The following PAPPA variants were observed in gnomAD, a reference collection of about 807,000 sequenced individuals.
The protein encoded by PAPPA is pappalysin-1.
A neutral mutation model predicts 164.0 loss-of-function variants in PAPPA; 60 were observed. That is an observed-to-expected ratio of 0.37 (90% confidence interval 0.30 to 0.45). The LOEUF (loss-of-function observed/expected upper bound fraction) is 0.45. PAPPA is among the 20% of genes least tolerant of loss of function. The pLI is 1.00. For synonymous variants in PAPPA, 875 were observed against 814.1 expected, an observed-to-expected ratio of 1.07 and a Z score of -1.27; for missense variants, 1,782 against 2,087.3, an observed-to-expected ratio of 0.85 and a Z score of 2.85.
At chr9:116,208,843 CGT>C (rs1844270828) in intron 3 of PAPPA, among the ~76,000 whole-genome samples, 2 of 151,420 alleles carry the variant, frequency 1.3e-5, no homozygotes, top group African/African-American at 4.9e-5. Context: ...TGTGTGTGTG[CGT>C]GTGTGTGCAT....
Position 116,187,097 on chromosome 9 carries a change from A to AC in PAPPA, c.416-50dup, listed in dbSNP as rs906999630. 6.4e-5 allele frequency: 80 copies of AC among 1,256,602 alleles called. No individual in the cohort carries two copies. The highest frequency in any genetic ancestry group is 7.8e-5 in the Non-Finnish European group (68 of 875,438). The allele number at this position is 1,256,602 out of a possible 1,614,324, so 77.8% of individuals were successfully genotyped here. A position where few individuals can be genotyped will look rare whatever the true frequency, so the allele number is the denominator to read the frequency against. On this transcript the variant is annotated intron_variant, in intron 1 of 21. Coordinates refer to ENST00000328252, the MANE Select transcript of PAPPA (RefSeq NM_002581.5). The surrounding 1 kb of genome is among the most constrained non-coding windows in gnomAD (Gnocchi z 4.2). ...AATTTTATTAGAGAAAAATAACTTA[A>AC]CCCCCCCTCCTTTTCCATCCTTTAT...
At chr9:116,374,735 TTTC>T (rs1441915433) in intron 19 of PAPPA, among the ~76,000 whole-genome samples, 1 of 152,214 alleles carries the variant, frequency 6.6e-6, no homozygotes, top group African/African-American at 2.4e-5. Flanking sequence ...ACTCTGCTGT[TTTC>T]CACTTCTTGA....
intron 5 of PAPPA, among the ~76,000 whole-genome samples, chr9:116,227,026 G>C (rs1844519095): frequency 6.6e-6 from 1 of 152,170 alleles, no homozygotes; most frequent in Non-Finnish European, 1.5e-5. Context: ...CACATAGTAG[G>C]TACCTGATAA....
intron 3 of PAPPA, among the ~76,000 whole-genome samples, chr9:116,209,059 A>G (rs1259190277): frequency 1.3e-5 from 2 of 152,160 alleles, no homozygotes; most frequent in Non-Finnish European, 2.9e-5. Flanking sequence ...AGAATTATAC[A>G]GACTAAAAAG....
Position 116,235,474 on chromosome 9 carries a change from A to G in PAPPA, c.2569A>G (p.Thr857Ala). 6.2e-7 allele frequency: 1 copy of G among 1,613,318 alleles called. No homozygotes were observed. Among genetic ancestry groups the G allele is most frequent in the Non-Finnish European group, 8.5e-7 (1 of 1,179,778 alleles). The change falls in exon 7 of 22, where the codon ACG becomes GCG. Residue 857 changes from threonine to alanine, a missense_variant. Transcript: ENST00000328252. ...GGAGGTGTATGGCATCCAAATCTAC[A>G]CGCTGGATGAGCACCTGGAGATCGA... is the stretch of plus-strand genomic sequence containing the variant. ...GEEVYGIQIY[T>A]LDEHLEIDAA...
chr9:116,185,289 C>T (rs1564176663), intron 1 of PAPPA, among the ~76,000 whole-genome samples: 1 of 152,110 alleles, frequency 6.6e-6, no homozygotes. Flanking sequence ...CTGGCCATTT[C>T]CTGAAAAATG....
intron 1 of PAPPA, among the ~76,000 whole-genome samples, chr9:116,184,153 TG>T (rs903633067): frequency 6.6e-6 from 1 of 151,950 alleles, no homozygotes; most frequent in African/African-American, 2.4e-5. Flanking sequence ...AGCTAAGAGG[TG>T]GGAAGGACAT....
At position 116,154,357 on chromosome 9, in the gene PAPPA, C is replaced by G. The variant is rs1435353053; in HGVS notation, c.185C>G (p.Pro62Arg). ...GGCCGCCGCGCCTCGCCGCCGCCGCCGCCGCCGCCGGGCGGTGCCTGGGAA... is the reference window on the plus strand; with the variant it reads ...GGCCGCCGCGCCTCGCCGCCGCCGCGGCCGCCGCCGGGCGGTGCCTGGGAA... ...ARGRRASPPP[P>R]PPPGGAWEAV... Residue 62 changes from proline (P) to arginine (R), a missense_variant, in exon 1 of 22, where the codon CCG (proline) becomes CGG (arginine). Around this residue, in one of 2 missense-constraint regions of PAPPA, gnomAD observed 458 missense variants for 430.3 expected, o/e 1.06. Coordinates refer to ENST00000328252, the MANE Select transcript of PAPPA (RefSeq NM_002581.5). The surrounding 1 kb of genome is among the most constrained non-coding windows in gnomAD (Gnocchi z 5.2). 2.3e-6 allele frequency: 2 copies of G among 872,536 alleles called. No homozygotes were observed. The highest frequency in any genetic ancestry group is 1.1e-4 in the South Asian group (2 of 18,872). 54.0% of individuals were successfully genotyped at this position (872,536 alleles called of 1,614,324 possible).
At chr9:116,356,245 A>AC (rs1846352193) in intron 17 of PAPPA, among the ~76,000 whole-genome samples, 1 of 152,252 alleles carries the variant, frequency 6.6e-6, no homozygotes, top group Non-Finnish European at 1.5e-5. Flanking sequence ...CAAGTTACTT[A>AC]ACTCGTTAAG....
intron 20 of PAPPA, among the ~76,000 whole-genome samples, chr9:116,377,959 TATA>T (rs140832795): frequency 0.019 from 2,949 of 152,298 alleles, 105 homozygotes; most frequent in African/African-American, 0.067. Flanking sequence ...GGCAGGGGGC[TATA>T]ATGATTTACC....
chr9:116,375,079 G>T (rs902563575), intron 19 of PAPPA, among the ~76,000 whole-genome samples: 5 of 152,180 alleles, frequency 3.3e-5, no homozygotes, highest in Non-Finnish European at 7.3e-5. Flanking sequence ...CATTTTCACA[G>T]CATTTATATG....
chr9:116,232,231 A>G (rs1208656132), intron 6 of PAPPA, among the ~76,000 whole-genome samples: 1 of 152,148 alleles, frequency 6.6e-6, no homozygotes. Context: ...CTACAATTGC[A>G]CTTGAAAACC....
chr9:116,214,994 T>C (rs1844352976), intron 4 of PAPPA, among the ~76,000 whole-genome samples: 1 of 152,216 alleles, frequency 6.6e-6, no homozygotes, highest in South Asian at 2.1e-4. Context: ...ATATGCCAGG[T>C]ATAGAAAACA....
At chr9:116,387,200 C>T (rs1846826032) in intron 21 of PAPPA, among the ~76,000 whole-genome samples, 1 of 152,136 alleles carries the variant, frequency 6.6e-6, no homozygotes, top group Admixed American at 6.5e-5. Flanking sequence ...CTCACTTAAA[C>T]TCCAGAATAA....
intron 21 of PAPPA, among the ~76,000 whole-genome samples, chr9:116,383,891 T>C (rs1846767475): frequency 1.3e-5 from 2 of 152,268 alleles, no homozygotes; most frequent in South Asian, 4.2e-4. Flanking sequence ...ATTTTATCAT[T>C]TTTTTCTAAT....
chr9:116,396,492 A>T lies in PAPPA; in HGVS notation c.4777-17A>T. On this transcript the variant is annotated splice_polypyrimidine_tract_variant and intron_variant, in intron 21 of 21. Transcript: ENST00000328252. ...TGCTTCAGACCAAATCACCTGATTC[A>T]CTTCTTCTTTCTGCAGGTCACCCCA... is the stretch of plus-strand genomic sequence containing the variant. 1 of 780,438 alleles carries T rather than the reference A, an allele frequency of 1.3e-6. No individual in the cohort carries two copies. Among genetic ancestry groups the T allele is most frequent in the Non-Finnish European group, 2.4e-6 (1 of 417,808 alleles). 48.3% of individuals were successfully genotyped at this position (780,438 alleles called of 1,614,324 possible).
intron 10 of PAPPA, among the ~76,000 whole-genome samples, chr9:116,314,060 CTTTTTTT>C (rs57871796): frequency 0.13 from 8,728 of 69,742 alleles, 562 homozygotes; most frequent in East Asian, 0.2. Flanking sequence ...TGCATCGAAT[CTTTTTTT>C]TTTTTTTTTT....
intron 7 of PAPPA, among the ~76,000 whole-genome samples, chr9:116,238,567 CA>C (rs1456550950): frequency 6.6e-6 from 1 of 152,236 alleles, no homozygotes; most frequent in African/African-American, 2.4e-5. Flanking sequence ...AGCTCCTACC[CA>C]CTTTGTAAAA....
At position 116,154,478 on chromosome 9, in the gene PAPPA, A is replaced by G; in HGVS notation, c.306A>G (p.Arg102=). Residue 102 remains arginine, a synonymous_variant, in exon 1 of 22, where the codon CGA becomes CGG. Coordinates refer to ENST00000328252, the MANE Select transcript of PAPPA (RefSeq NM_002581.5). This position sits in a 1 kb window ranked among gnomAD's most constrained non-coding sequence, Gnocchi z 5.2. ...PPSRALYFSG[R]GEQLRLRADL... Reference sequence around the variant, plus strand: ...GCCGGGCGCTCTATTTCAGCGGGCGAGGCGAGCAGCTGCGCCTCCGGGCCG... The same window carrying G: ...GCCGGGCGCTCTATTTCAGCGGGCGGGGCGAGCAGCTGCGCCTCCGGGCCG... 1 of 1,302,352 alleles carries G rather than the reference A, an allele frequency of 7.7e-7. No homozygotes were observed. Among genetic ancestry groups the G allele is most frequent in the Non-Finnish European group, 9.8e-7 (1 of 1,024,168 alleles). The allele number at this position is 1,302,352 out of a possible 1,614,324, so 80.7% of individuals were successfully genotyped here.
Sources: gnomAD v4.1 joint callset for allele counts (sites outside exome capture counted in the v4.1 genomes callset) on GRCh38, gnomAD v4.1.1 for gene constraint, gnomAD v4.1.1 regional missense constraint, Gnocchi (gnomAD v3.1) non-coding constraint, MANE v1.5 for transcripts, NCBI Gene and HGNC (gene_info 2026-07-23, HGNC 2026-07-21) for gene names.